LPIN1: variants seen among roughly 807,000 people sequenced by gnomAD.
LPIN1 encodes the protein phosphatidate phosphatase LPIN1.
Under a neutral mutation model 107.5 loss-of-function variants are expected in LPIN1, and 71 were observed. That is an observed-to-expected ratio of 0.66 (90% CI 0.55 to 0.80). LPIN1 has a LOEUF of 0.80. Among genes scored for constraint, LPIN1 ranks in the 30% least tolerant of loss-of-function variants. The pLI, the probability that LPIN1 is intolerant of heterozygous loss-of-function variation, is 0.00. For synonymous variants in LPIN1, 445 were observed against 452.6 expected (o/e 0.98, Z 0.21); for missense variants, 1,043 against 1,160.6 (o/e 0.90, Z 1.47).
chr2:11,757,668 C>T (rs1668883388), intron 1 of LPIN1, among the ~76,000 whole-genome samples: 1 of 152,110 alleles, frequency 6.6e-6, no homozygotes, highest in South Asian at 2.1e-4. Context: ...AGGGCATGGT[C>T]CCTCCCGTGC....
At chr2:11,693,788 G>GTATATATATA (rs869167624) in intron 1 of LPIN1, among the ~76,000 whole-genome samples, 13 of 40,992 alleles carry the variant, frequency 3.2e-4, no homozygotes, top group African/African-American at 1.1e-3. Flanking sequence ...GTGTGAGTGT[G>GTATATATATA]TATATATATA....
At chr2:11,783,972 T>C (rs1674013387) in intron 9 of LPIN1, 50 bp downstream of exon 9, 1 of 1,613,032 alleles carries the variant, frequency 6.2e-7, no homozygotes, top group African/African-American at 1.3e-5. Context: ...CTGAATATCA[T>C]TCTGTGTGAG....
chr2:11,738,999 AG>A (rs1666070831), intron 1 of LPIN1, among the ~76,000 whole-genome samples: 1 of 152,252 alleles, frequency 6.6e-6, no homozygotes, highest in South Asian at 2.1e-4. Context: ...TTTCAAAAAG[AG>A]GCGCCTACAC....
intron 1 of LPIN1, among the ~76,000 whole-genome samples, chr2:11,705,766 GA>G (rs1663093875): frequency 6.6e-6 from 1 of 152,240 alleles, no homozygotes; most frequent in Non-Finnish European, 1.5e-5. Context: ...GGAGGGTTTA[GA>G]AAATTGCATG....
intron 12 of LPIN1, among the ~76,000 whole-genome samples, chr2:11,791,384 G>A (rs1187734439): frequency 6.6e-6 from 1 of 152,098 alleles, no homozygotes; most frequent in African/African-American, 2.4e-5. Context: ...TTACCTAAAA[G>A]TATGAATTTT....
At chr2:11,775,747 C>T (rs1044224915) in intron 5 of LPIN1, among the ~76,000 whole-genome samples, 2 of 151,752 alleles carry the variant, frequency 1.3e-5, no homozygotes, top group African/African-American at 4.9e-5. Flanking sequence ...TTTCAATATC[C>T]GGTGCTCTGC....
intron 2 of LPIN1, chr2:11,713,824 T>C: frequency 1.3e-6 from 2 of 1,487,266 alleles, no homozygotes; most frequent in Non-Finnish European, 1.8e-6. Flanking sequence ...TGAGTGCCGC[T>C]GTGATAGAAT....
At chr2:11,776,822 G>A (rs570228429) in intron 6 of LPIN1, among the ~76,000 whole-genome samples, 2 of 152,212 alleles carry the variant, frequency 1.3e-5, no homozygotes, top group Non-Finnish European at 1.5e-5. Flanking sequence ...CCTACTTTGT[G>A]GACTTACATG....
chr2:11,683,445 GGA>G (rs1661830070), intron 1 of LPIN1: 1 of 152,492 alleles, frequency 6.6e-6, no homozygotes, highest in South Asian at 2.1e-4. Context: ...TCCAGACATG[GGA>G]GATGGGAGCG....
At chr2:11,748,949 G>T (rs1667384261) in intron 1 of LPIN1, among the ~76,000 whole-genome samples, 2 of 152,178 alleles carry the variant, frequency 1.3e-5, no homozygotes, top group African/African-American at 2.4e-5. Flanking sequence ...CTCACTGGTA[G>T]CCCGGGCGTG....
chr2:11,687,261 T>G (rs1323201173), intron 1 of LPIN1, among the ~76,000 whole-genome samples: 1 of 152,228 alleles, frequency 6.6e-6, no homozygotes. Context: ...CGTGAGCCAC[T>G]GGGCCTGGTC....
intron 12 of LPIN1, among the ~76,000 whole-genome samples, 163 bp downstream of exon 12, chr2:11,788,619 T>G (rs537521846): frequency 1.3e-5 from 2 of 152,344 alleles, no homozygotes; most frequent in Non-Finnish European, 2.9e-5. Flanking sequence ...ATCTCTCTCT[T>G]GCACCTTGCA....
intron 1 of LPIN1, among the ~76,000 whole-genome samples, chr2:11,691,384 A>G (rs925167322): frequency 7.2e-5 from 11 of 152,244 alleles, no homozygotes; most frequent in African/African-American, 2.6e-4. Flanking sequence ...GGCTGCAGAC[A>G]TGTTTAAGCC....
intron 1 of LPIN1, among the ~76,000 whole-genome samples, chr2:11,755,119 CCAT>C (rs1668465371): frequency 6.6e-6 from 1 of 152,054 alleles, no homozygotes; most frequent in African/African-American, 2.4e-5. Context: ...GCGCCCGCCA[CCAT>C]GCCCGGCTAA....
chr2:11,747,141 G>T (rs2148568234), intron 1 of LPIN1, among the ~76,000 whole-genome samples: 1 of 152,362 alleles, frequency 6.6e-6, no homozygotes, highest in East Asian at 1.9e-4. Flanking sequence ...TGCAGTTGAG[G>T]AAACTGAGGC....
chr2:11,791,865 G>A (rs754138649), intron 12 of LPIN1, 49 bp from the exon 13 acceptor site: 4 of 1,602,728 alleles, frequency 2.5e-6, no homozygotes, highest in Non-Finnish European at 3.4e-6. Context: ...AATGTGCTAA[G>A]TTGATCTTTT....
At chr2:11,766,624 G>A (rs1202957228) in intron 2 of LPIN1, among the ~76,000 whole-genome samples, 3 of 152,190 alleles carry the variant, frequency 2.0e-5, no homozygotes, top group Non-Finnish European at 4.4e-5. Context: ...TGTTCAAAAC[G>A]TGATGGCACT....
intron 1 of LPIN1, among the ~76,000 whole-genome samples, chr2:11,708,393 C>A (rs1433523794): frequency 6.6e-6 from 1 of 152,050 alleles, no homozygotes. Context: ...GGTGGAGGGT[C>A]AACCTTCGAC....
At chr2:11,800,871 G>T (rs2148693749) in intron 14 of LPIN1, among the ~76,000 whole-genome samples, 1 of 152,300 alleles carries the variant, frequency 6.6e-6, no homozygotes, top group South Asian at 2.1e-4. Flanking sequence ...TGAGCTCCTT[G>T]TATATATACT....
Sources: gnomAD v4.1 joint callset for allele counts (sites outside exome capture counted in the v4.1 genomes callset) on GRCh38, gnomAD v4.1.1 for gene constraint, MANE v1.5 for transcripts, NCBI Gene and HGNC (gene_info 2026-07-23, HGNC 2026-07-21) for gene names.